Variants in PLEKHA6 observed in about 807,000 individuals in gnomAD.
PLEKHA6 encodes pleckstrin homology domain containing A6.
In PLEKHA6, 60 loss-of-function variants were observed where a neutral mutation model predicts 116.7. That is an observed-to-expected ratio of 0.51 (90% CI 0.42 to 0.64). The LOEUF is 0.64. PLEKHA6 is among the 30% of genes least tolerant of loss of function. PLEKHA6 has a pLI of 0.00. For synonymous variants in PLEKHA6, 489 were observed against 556.1 expected, an observed-to-expected ratio of 0.88 and a Z score of 1.70; for missense variants, 1,338 against 1,422.7, an observed-to-expected ratio of 0.94 and a Z score of 0.96.
At chr1:204,299,149 T>C (rs1007855321) in intron 1 of PLEKHA6, among the ~76,000 whole-genome samples, 1 of 152,168 alleles carries the variant, frequency 6.6e-6, no homozygotes, top group Non-Finnish European at 1.5e-5. Context: ...TACCCAGAAG[T>C]CACAAATTAA....
chr1:204,227,461 A>G (rs1660517390), intron 21 of PLEKHA6, among the ~76,000 whole-genome samples: 1 of 152,220 alleles, frequency 6.6e-6, no homozygotes, highest in Non-Finnish European at 1.5e-5. Context: ...CAGGCTGAGT[A>G]GAAGCTGACC....
chr1:204,317,502 T>C (rs561327874), intron 1 of PLEKHA6, among the ~76,000 whole-genome samples: 1 of 152,242 alleles, frequency 6.6e-6, no homozygotes, highest in Admixed American at 6.5e-5. Context: ...AGGAGGCACC[T>C]TCTCATCCAT....
chr1:204,258,895 G>A (rs1665715684), intron 8 of PLEKHA6, among the ~76,000 whole-genome samples: 1 of 152,214 alleles, frequency 6.6e-6, no homozygotes, highest in African/African-American at 2.4e-5. Context: ...GGGAGAGGAT[G>A]TTGTAGGAGG....
rs149761431 is a variant in PLEKHA6, at chr1:204,313,995, T to C, written c.-94-39186A>G. Among the ~76,000 whole-genome samples, 385 of 152,274 alleles carry C rather than the reference T, an allele frequency of 2.5e-3. 3 individuals carry two copies. The highest frequency in any genetic ancestry group is 8.8e-3 in the African/African-American group (367 of 41,548). The stretch of plus-strand genomic sequence containing the variant: ...AACCCCAGGGGGTACTATTCCCATA[T>C]AGCACAATGTGAACGGTGCCCTCAG... On this transcript the variant is annotated intron_variant, in intron 1 of 22. Transcript: ENST00000272203.
chr1:204,273,784 G>C (rs1311941160), intron 2 of PLEKHA6, 44 bp from the exon 3 acceptor site: 1 of 1,299,880 alleles, frequency 7.7e-7, no homozygotes, highest in Admixed American at 1.7e-5. Context: ...TGAGATCCAA[G>C]AAACAATGGA....
intron 1 of PLEKHA6, among the ~76,000 whole-genome samples, chr1:204,289,198 A>G (rs543200692): frequency 6.6e-6 from 1 of 152,312 alleles, no homozygotes; most frequent in Admixed American, 6.5e-5. Context: ...CAATAAGCCT[A>G]TATTTATTGA....
chr1:204,241,512 C>T, intron 16 of PLEKHA6, 31 bp from the exon 17 acceptor site: 2 of 1,493,332 alleles, frequency 1.3e-6, no homozygotes, highest in Non-Finnish European at 9.1e-7. Context: ...CAGTGGGCCT[C>T]ATGGAGAGCA....
In PLEKHA6 at chr1:204,261,275, G is replaced by T. The variant is rs192542045; in HGVS notation, c.524+31C>A. The stretch of plus-strand genomic sequence containing the variant: ...TTCCATTCCCCTCTTTATTCTTCCT[G>T]CACCCCCACACTCAATTCCCTGGCA... On this transcript the variant is annotated intron_variant, in intron 7 of 22. Transcript: ENST00000272203. The surrounding 1 kb of genome is among the most constrained non-coding windows in gnomAD (Gnocchi z 4.0). The T allele has an allele frequency of 1.2e-5, 20 of 1,613,016 alleles. No homozygotes were observed. The East Asian group carries it at 4.5e-4, about 36-fold the overall frequency.
intron 2 of PLEKHA6, chr1:204,369,719 T>G (rs1673738705): frequency 6.6e-6 from 1 of 152,242 alleles, no homozygotes; most frequent in Non-Finnish European, 1.5e-5. Context: ...ACCAGTTGGC[T>G]GCAGCCAAAA....
intron 1 of PLEKHA6, among the ~76,000 whole-genome samples, chr1:204,357,314 G>A: frequency 6.6e-6 from 1 of 152,196 alleles, no homozygotes; most frequent in East Asian, 1.9e-4. Context: ...AGGGAGTCTG[G>A]ACTAGATAGT....
At chr1:204,263,194 C>G (rs1455550440) in intron 6 of PLEKHA6, among the ~76,000 whole-genome samples, 1 of 152,128 alleles carries the variant, frequency 6.6e-6, no homozygotes, top group Non-Finnish European at 1.5e-5. Context: ...CAGGAGAAGG[C>G]AGAGGGCCTG....
Position 204,324,761 on chromosome 1 carries a change from T to C in PLEKHA6, c.-95+34933A>G, listed in dbSNP as rs532213458. The stretch of plus-strand genomic sequence containing the variant: ...GGCCAATAGCTTACTAAACCTTCCA[T>C]AGATATCAGTTTCTCCATTCATTAA... On this transcript the variant is annotated intron_variant, in intron 1 of 22. Transcript: ENST00000272203. 5.3e-5 allele frequency among the ~76,000 whole-genome samples: 8 copies of C among 152,316 alleles called. No individual in the cohort carries two copies. The East Asian group carries it at 1.2e-3, about 22-fold the overall frequency.
At chr1:204,355,946 T>C (rs933494293) in intron 1 of PLEKHA6, among the ~76,000 whole-genome samples, 2 of 151,400 alleles carry the variant, frequency 1.3e-5, no homozygotes, top group African/African-American at 4.9e-5. Flanking sequence ...CATGAAAAAG[T>C]TGTAATACTC....
At chr1:204,363,426 G>C (rs1673596535), upstream of PLEKHA6, among the ~76,000 whole-genome samples, 2 of 152,190 alleles carry the variant, frequency 1.3e-5, no homozygotes. Context: ...AAGACCAACG[G>C]CTGGGTGGGG....
In PLEKHA6 at chr1:204,267,542, G is replaced by A. The variant is rs757722064; in HGVS notation, c.213C>T (p.Ser71=). 8.7e-6 allele frequency: 14 copies of A among 1,613,912 alleles called. No homozygotes were observed. In the South Asian group the frequency reaches 1.5e-4, roughly 18 times the overall value. ...GCTTGTTCCACTGCTTAACCCCGGA[G>A]CTGGCCTGCGGGACATGGGAGAGGC... is the stretch of plus-strand genomic sequence containing the variant. The part of the protein sequence containing the change: ...TKAGWLFKQA[S]SGVKQWNKRW... The change falls in exon 5 of 23, where the codon AGC becomes AGT. Residue 71 remains serine, a synonymous_variant. Transcript: ENST00000272203.
At chr1:204,315,821 G>A (rs1365859417) in intron 1 of PLEKHA6, among the ~76,000 whole-genome samples, 1 of 152,202 alleles carries the variant, frequency 6.6e-6, no homozygotes, top group Non-Finnish European at 1.5e-5. Context: ...GATGCCCAGG[G>A]GAGGCCACAG....
At chr1:204,355,606 A>ATTTTTTTTTTTTGTTTGTTTT (rs1164292986) in intron 1 of PLEKHA6, among the ~76,000 whole-genome samples, 1 of 151,864 alleles carries the variant, frequency 6.6e-6, no homozygotes, top group Non-Finnish European at 1.5e-5. Context: ...CACTTAGCTA[A>ATTTTTTTTTTTTGTTTGTTTT]TTTTTATATT....
Position 204,261,496 on chromosome 1 carries a change from A to T in PLEKHA6, c.382-48T>A. On this transcript the variant is annotated intron_variant, in intron 6 of 22. Transcript: ENST00000272203. This position sits in a 1 kb window ranked among gnomAD's most constrained non-coding sequence, Gnocchi z 4.0. ...GAGCTGGCCTCGGCCTCATCCACCC[A>T]GCACACAGTCACCTGTTGGGAGAAG... 6.4e-7 allele frequency: 1 copy of T among 1,551,816 alleles called. No individual in the cohort carries two copies. The highest frequency in any genetic ancestry group is 8.7e-7 in the Non-Finnish European group (1 of 1,148,918).
At position 204,257,243 on chromosome 1, in the gene PLEKHA6, A is replaced by C. The variant is rs1036803377; in HGVS notation, c.1524+110T>G. 21 of 1,063,756 alleles carry C rather than the reference A, an allele frequency of 2.0e-5. No individual in the cohort carries two copies. The highest frequency in any genetic ancestry group is 2.9e-5 in the Non-Finnish European group (21 of 722,054). 65.9% of individuals were successfully genotyped at this position (1,063,756 alleles called of 1,614,324 possible). Reference sequence around the variant, plus strand: ...TGCTGGTCCTGCAGACAAACGGCCCAGTGGCCCCGTGGCACAGATGCTCCC... The same window carrying C: ...TGCTGGTCCTGCAGACAAACGGCCCCGTGGCCCCGTGGCACAGATGCTCCC... On this transcript the variant is annotated intron_variant, in intron 9 of 22. Transcript: ENST00000272203. The surrounding 1 kb of genome is among the most constrained non-coding windows in gnomAD (Gnocchi z 6.5).
Sources: gnomAD v4.1 joint callset for allele counts (sites outside exome capture counted in the v4.1 genomes callset) on GRCh38, gnomAD v4.1.1 for gene constraint, Gnocchi (gnomAD v3.1) non-coding constraint, MANE v1.5 for transcripts, NCBI Gene and HGNC (gene_info 2026-07-23, HGNC 2026-07-21) for gene names.